The following CCDC171 variants were observed in gnomAD, a reference collection of about 807,000 sequenced individuals.
CCDC171 encodes the protein coiled-coil domain containing 171, also known as coiled-coil domain-containing protein 171.
A neutral mutation model predicts 168.2 loss-of-function variants in CCDC171; 177 were observed. The observed-to-expected ratio is 1.05, with a 90% CI of 0.93 to 1.19. The LOEUF is 1.19. Among genes scored for constraint, CCDC171 ranks in the 50% most tolerant of loss-of-function variants. The probability of loss-of-function intolerance (pLI) is 0.00; values close to 1 mark genes in which losing one functional copy is unlikely to be tolerated. For missense variants in CCDC171, 1,991 were observed against 1,539.0 expected (o/e 1.29, Z -4.91); for synonymous variants, 687 against 540.8 (o/e 1.27, Z -3.75).
At chr9:15,612,090 A>G (rs903015991) in intron 6 of CCDC171, among the ~76,000 whole-genome samples, 1 of 152,210 alleles carries the variant, frequency 6.6e-6, no homozygotes, top group East Asian at 1.9e-4. Flanking sequence ...GAATCTGCCA[A>G]CACCTTGATC....
At chr9:15,657,335 G>T in intron 8 of CCDC171, 116 bp downstream of exon 8, 1 of 607,588 alleles carries the variant, frequency 1.6e-6, no homozygotes, top group Non-Finnish European at 3.0e-6. Flanking sequence ...GTAACATATT[G>T]TTATGACACT....
intron 3 of CCDC171, among the ~76,000 whole-genome samples, chr9:16,016,058 A>G (rs372535781): frequency 1.3e-5 from 2 of 152,256 alleles, no homozygotes; most frequent in East Asian, 3.9e-4. Context: ...GGCTATTGTG[A>G]ATAGTGCTGC....
intron 7 of CCDC171, among the ~76,000 whole-genome samples, chr9:15,637,558 T>C (rs1460756710): frequency 4.6e-5 from 7 of 151,644 alleles, no homozygotes; most frequent in Non-Finnish European, 8.8e-5. Flanking sequence ...CATGCTGGTG[T>C]GCTGCACCCA....
chr9:15,952,271 G>C (rs961265418), intron 25 of CCDC171, among the ~76,000 whole-genome samples: 5 of 152,122 alleles, frequency 3.3e-5, no homozygotes, highest in African/African-American at 1.2e-4. Flanking sequence ...ACACTGTTTT[G>C]AATACTGTAG....
chr9:15,743,027 C>T (rs150422936), intron 16 of CCDC171, among the ~76,000 whole-genome samples: 4 of 152,134 alleles, frequency 2.6e-5, no homozygotes, highest in African/African-American at 4.8e-5. Context: ...GATCCTCTCA[C>T]CTTGGCCTCC....
At chr9:15,849,391 A>G (rs918347028) in intron 23 of CCDC171, among the ~76,000 whole-genome samples, 10 of 151,302 alleles carry the variant, frequency 6.6e-5, no homozygotes, top group African/African-American at 2.4e-4. Flanking sequence ...ATGTTATTCA[A>G]ATTGAAATTT....
rs754047656 is a variant in CCDC171, at chr9:15,784,719, A to G, written c.3267+25A>G. 3.2e-6 allele frequency: 5 copies of G among 1,547,288 alleles called. No homozygotes were observed. In the Admixed American group the frequency reaches 5.1e-5, roughly 16 times the overall value. ...GGTAAGAGAATAAAGGGATATTTGCATAAAGGGATATTTTATCTATGTGTG... is the reference window on the plus strand; with the variant it reads ...GGTAAGAGAATAAAGGGATATTTGCGTAAAGGGATATTTTATCTATGTGTG... On this transcript the variant is annotated intron_variant, in intron 21 of 25. Coordinates refer to ENST00000380701, the MANE Select transcript of CCDC171 (RefSeq NM_173550.4).
chr9:15,888,681 G>C (rs527665669), intron 24 of CCDC171, among the ~76,000 whole-genome samples: 2 of 151,956 alleles, frequency 1.3e-5, no homozygotes, highest in Non-Finnish European at 2.9e-5. Flanking sequence ...TGACCCTATA[G>C]ACTTAAGCAT....
chr9:15,562,520 C>T (rs986342608), intron 1 of CCDC171, among the ~76,000 whole-genome samples: 1 of 152,106 alleles, frequency 6.6e-6, no homozygotes, highest in South Asian at 2.1e-4. Context: ...AAATAATGCA[C>T]TGAAGTATGA....
At chr9:15,691,060 T>C (rs2050741483) in intron 10 of CCDC171, among the ~76,000 whole-genome samples, 1 of 152,210 alleles carries the variant, frequency 6.6e-6, no homozygotes, top group Non-Finnish European at 1.5e-5. Context: ...GTGTTTCCTT[T>C]TGCCTCATTA....
chr9:15,675,606 G>C (rs917982236), intron 9 of CCDC171, among the ~76,000 whole-genome samples: 4 of 152,076 alleles, frequency 2.6e-5, no homozygotes, highest in Admixed American at 2.6e-4. Flanking sequence ...TGTCTGAAAA[G>C]GATTTTATTT....
chr9:16,059,585 G>A (rs577606792), intron 1 of CCDC171, among the ~76,000 whole-genome samples: 2,487 of 142,826 alleles, frequency 0.017, 39 homozygotes, highest in South Asian at 0.046. Flanking sequence ...CGCAATCTCG[G>A]CTCACTGCAA....
intron 8 of CCDC171, among the ~76,000 whole-genome samples, chr9:15,658,161 C>G (rs1210047256): frequency 6.6e-6 from 1 of 152,114 alleles, no homozygotes; most frequent in East Asian, 1.9e-4. Context: ...GGAATACTTG[C>G]AGTGTTGAGT....
chr9:15,767,902 T>A (rs2056818532), intron 18 of CCDC171, among the ~76,000 whole-genome samples: 1 of 99,532 alleles, frequency 1.0e-5, no homozygotes, highest in Non-Finnish European at 2.2e-5. Flanking sequence ...TTAAAAAAAT[T>A]TTTTTAATTT....
chr9:15,871,803 C>T lies in CCDC171; in HGVS notation c.3469-2729C>T, dbSNP rs988709015. ...TCTTCCTTCTACCCTTTATTTCTTC[C>T]GTTTCTTGTCATCTTTCTTTTCTTC... is the stretch of plus-strand genomic sequence containing the variant. On this transcript the variant is annotated intron_variant, in intron 23 of 25. Coordinates refer to ENST00000380701, the MANE Select transcript of CCDC171 (RefSeq NM_173550.4). 6.6e-5 allele frequency among the ~76,000 whole-genome samples: 10 copies of T among 151,850 alleles called. No individual in the cohort carries two copies. In the South Asian group the frequency reaches 1.2e-3, roughly 19 times the overall value.
At position 15,745,636 on chromosome 9, in the gene CCDC171, G is replaced by T; in HGVS notation, c.2671+5G>T. 1.3e-6 allele frequency: 2 copies of T among 1,524,712 alleles called. No individual in the cohort carries two copies. Among genetic ancestry groups the T allele is most frequent in the Non-Finnish European group, 8.8e-7 (1 of 1,134,056 alleles). 94.4% of individuals were successfully genotyped at this position (1,524,712 alleles called of 1,614,324 possible). A position where few individuals can be genotyped will look rare whatever the true frequency, so the allele number is the denominator to read the frequency against. ...AAGACGTCATTGGTAAAGCAGGTAT[G>T]GTTCCTTCTTTTATGTCCTTGCAAA... is the stretch of plus-strand genomic sequence containing the variant. On this transcript the variant is annotated splice_donor_5th_base_variant and intron_variant, in intron 18 of 25. Transcript: ENST00000380701.
At chr9:15,671,291 C>G (rs187659727) in intron 9 of CCDC171, among the ~76,000 whole-genome samples, 1 of 151,986 alleles carries the variant, frequency 6.6e-6, no homozygotes, top group Non-Finnish European at 1.5e-5. Context: ...AGAGATGTTC[C>G]TCCTGGACTC....
intron 25 of CCDC171, among the ~76,000 whole-genome samples, 169 bp from the exon 26 acceptor site, chr9:15,971,440 G>T (rs1050478062): frequency 1.3e-5 from 2 of 152,090 alleles, no homozygotes; most frequent in Non-Finnish European, 2.9e-5. Flanking sequence ...AGTCACACTT[G>T]ATAAATAATT....
intron 25 of CCDC171, among the ~76,000 whole-genome samples, chr9:15,955,728 A>G (rs529867491): frequency 3.2e-4 from 48 of 151,982 alleles, no homozygotes; most frequent in Admixed American, 3.0e-3. Flanking sequence ...GGTGCTTACT[A>G]CTCTGCCATC....
Sources: gnomAD v4.1 joint callset for allele counts (sites outside exome capture counted in the v4.1 genomes callset) on GRCh38, gnomAD v4.1.1 for gene constraint, MANE v1.5 for transcripts, NCBI Gene and HGNC (gene_info 2026-07-23, HGNC 2026-07-21) for gene names.